MGLL: variants seen among roughly 807,000 people sequenced by gnomAD.
MGLL encodes lysophospholipase homolog.
In MGLL, 7 loss-of-function variants were observed where a neutral mutation model predicts 29.1. That is an observed-to-expected ratio of 0.24 (90% CI 0.14 to 0.45). The LOEUF (loss-of-function observed/expected upper bound fraction) is 0.45. Ranked by LOEUF, MGLL falls within the 20% of genes least tolerant of loss-of-function variation. MGLL has a pLI of 0.99. For missense variants in MGLL, 356 were observed against 413.6 expected (o/e 0.86, Z 1.21); for synonymous variants, 148 against 168.3 (o/e 0.88, Z 0.93).
chr3:127,788,195 C>G (rs2077245348), intron 2 of MGLL, among the ~76,000 whole-genome samples: 1 of 152,194 alleles, frequency 6.6e-6, no homozygotes, highest in Non-Finnish European at 1.5e-5. Context: ...CTGCCTGGTA[C>G]AGAGTTAGGC....
chr3:127,693,112 C>T (rs953775296), intron 7 of MGLL, among the ~76,000 whole-genome samples: 10 of 152,196 alleles, frequency 6.6e-5, no homozygotes, highest in African/African-American at 2.4e-4. Flanking sequence ...TTCAGTGCGA[C>T]GCTAATGGGC....
intron 6 of MGLL, among the ~76,000 whole-genome samples, chr3:127,703,490 G>A (rs1359907844): frequency 6.6e-6 from 1 of 152,222 alleles, no homozygotes; most frequent in Admixed American, 6.5e-5. Context: ...TAATGGCATG[G>A]GGTCCTGTGT....
At chr3:127,815,789 A>G (rs1187913774) in intron 2 of MGLL, among the ~76,000 whole-genome samples, 4 of 152,238 alleles carry the variant, frequency 2.6e-5, no homozygotes, top group Non-Finnish European at 4.4e-5. Context: ...TGCGTGGCAT[A>G]GCAGCAGCCC....
chr3:127,772,797 A>C lies in MGLL; in HGVS notation c.262+8992T>G, dbSNP rs2076971701. On this transcript the variant is annotated intron_variant, in intron 3 of 7. Transcript: ENST00000265052. ...TTGGGAGGTGATAGGTCATGGGGGC[A>C]GAGGCCTCATGAATGGGGTTAGAGG... Among the ~76,000 whole-genome samples, 2 of 152,168 alleles carry C rather than the reference A, an allele frequency of 1.3e-5. 1 individual carries two copies. Among genetic ancestry groups the C allele is most frequent in the South Asian group, 4.1e-4 (2 of 4,830 alleles).
chr3:127,760,656 G>A (rs779154366), intron 3 of MGLL, among the ~76,000 whole-genome samples: 7 of 152,238 alleles, frequency 4.6e-5, no homozygotes, highest in Non-Finnish European at 8.8e-5. Flanking sequence ...CCACTCGCCT[G>A]GGGGCTGTGC....
intron 2 of MGLL, chr3:127,799,601 T>G (rs1292781298): frequency 1.3e-5 from 2 of 152,220 alleles, no homozygotes; most frequent in Non-Finnish European, 2.9e-5. Context: ...CCAGGTTGAA[T>G]GAGTGAATGA....
At chr3:127,805,137 A>G (rs1428057491) in intron 2 of MGLL, among the ~76,000 whole-genome samples, 5 of 152,356 alleles carry the variant, frequency 3.3e-5, no homozygotes, top group East Asian at 3.9e-4. Context: ...CTGATCTTCT[A>G]TAAGAATGTG....
rs550472785 is a variant in MGLL at position 127,692,212 on chromosome 3, C to G, written c.928G>C (p.Ala310Pro). The change falls in exon 8 of 8, where the codon GCG (alanine) becomes CCG (proline). Residue 310 changes from alanine to proline, a missense_variant. Transcript: ENST00000265052. ...GGCCAATGCATTCAGGGTGGGGACG[C>G]AGTTCCTGCCGTGGCTGTCCTTTGA... ...VSQRTATAGT[A>P]SPP 1 of 1,613,482 alleles carries G rather than the reference C, an allele frequency of 6.2e-7. No individual in the cohort carries two copies. The highest frequency in any genetic ancestry group is 1.3e-5 in the African/African-American group (1 of 74,810).
intron 3 of MGLL, among the ~76,000 whole-genome samples, chr3:127,776,634 C>T (rs1179975297): frequency 1.3e-5 from 2 of 152,222 alleles, no homozygotes; most frequent in African/African-American, 4.8e-5. Context: ...ATCCATGGCA[C>T]TTACGGGCTC....
intron 3 of MGLL, among the ~76,000 whole-genome samples, chr3:127,726,177 AAAG>A (rs1370442431): frequency 0.076 from 3,210 of 42,054 alleles, 43 homozygotes; most frequent in Middle Eastern, 0.12. Flanking sequence ...AGAAAGAAAG[AAAG>A]AAAGAAAAGA....
At chr3:127,698,257 C>A (rs1352007374) in intron 6 of MGLL, among the ~76,000 whole-genome samples, 1 of 152,126 alleles carries the variant, frequency 6.6e-6, no homozygotes, top group Admixed American at 6.5e-5. Context: ...GAGGGCTGTA[C>A]CACATGGGGA....
chr3:127,726,332 AAGAG>A (rs914597561), intron 3 of MGLL, among the ~76,000 whole-genome samples: 1 of 151,756 alleles, frequency 6.6e-6, no homozygotes, highest in African/African-American at 2.4e-5. Flanking sequence ...GAAAGAAAGA[AAGAG>A]GAAAGAAAGA....
intron 2 of MGLL, among the ~76,000 whole-genome samples, chr3:127,815,681 G>A (rs1249293229): frequency 6.6e-6 from 1 of 152,212 alleles, no homozygotes; most frequent in Admixed American, 6.5e-5. Flanking sequence ...CAGGACAGAA[G>A]GGCAAGTAGG....
intron 3 of MGLL, among the ~76,000 whole-genome samples, chr3:127,776,682 A>C (rs2077042489): frequency 1.3e-5 from 2 of 152,190 alleles, no homozygotes; most frequent in Admixed American, 1.3e-4. Flanking sequence ...TCCAGTGGCC[A>C]CACTGCTGGA....
At position 127,761,420 on chromosome 3, in the gene MGLL, TCCTC is replaced by T. The variant is rs1317462812; in HGVS notation, c.262+20365_262+20368del. 2.6e-5 allele frequency among the ~76,000 whole-genome samples: 4 copies of T among 152,126 alleles called. No individual in the cohort carries two copies. Among genetic ancestry groups the T allele is most frequent in the Non-Finnish European group, 5.9e-5 (4 of 68,016 alleles). ...ACCAGGGTGGAGGCCTCCCCAGGGC[TCCTC>T]CTTCTCCAGCAAGCAGTACTAACCT... On this transcript the variant is annotated intron_variant, in intron 3 of 7. Transcript: ENST00000265052. This position sits in a 1 kb window ranked among gnomAD's most constrained non-coding sequence, Gnocchi z 4.6.
At chr3:127,808,732 C>T (rs2077610745) in intron 2 of MGLL, among the ~76,000 whole-genome samples, 1 of 152,216 alleles carries the variant, frequency 6.6e-6, no homozygotes, top group Non-Finnish European at 1.5e-5. Flanking sequence ...CAACATCAGC[C>T]TCTCTTCTCC....
chr3:127,718,273 T>C (rs1198731324), intron 5 of MGLL, among the ~76,000 whole-genome samples: 1 of 152,152 alleles, frequency 6.6e-6, no homozygotes, highest in African/African-American at 2.4e-5. Flanking sequence ...TGGGAAACTG[T>C]TGAATGGCTT....
intron 3 of MGLL, among the ~76,000 whole-genome samples, chr3:127,735,040 G>C (rs1034776436): frequency 3.9e-5 from 6 of 152,250 alleles, no homozygotes; most frequent in Non-Finnish European, 7.3e-5. Flanking sequence ...GGAGGAGCCC[G>C]ACGTGGGAGT....
Position 127,750,362 on chromosome 3 carries a change from G to A in MGLL, c.263-27796C>T, listed in dbSNP as rs868077549. Among the ~76,000 whole-genome samples, 5 of 152,288 alleles carry A rather than the reference G, an allele frequency of 3.3e-5. No homozygotes were observed. In the Middle Eastern group the frequency reaches 0.01, roughly 311 times the overall value. ...TCACTGGGGGCCTCGGGCAGGCCAC[G>A]TGCCTCTTCATCTGCGCAGCCAAGG... is the stretch of plus-strand genomic sequence containing the variant. On this transcript the variant is annotated intron_variant, in intron 3 of 7. Coordinates refer to ENST00000265052, the MANE Select transcript of MGLL (RefSeq NM_007283.7).
Sources: gnomAD v4.1 joint callset for allele counts (sites outside exome capture counted in the v4.1 genomes callset) on GRCh38, gnomAD v4.1.1 for gene constraint, Gnocchi (gnomAD v3.1) non-coding constraint, MANE v1.5 for transcripts, NCBI Gene and HGNC (gene_info 2026-07-23, HGNC 2026-07-21) for gene names.